Variants in CSMD1 observed in about 807,000 individuals in gnomAD.
CSMD1 encodes CUB and sushi domain-containing protein 1.
In CSMD1, 213 loss-of-function variants were observed where a neutral mutation model predicts 417.5. The ratio of observed to expected loss-of-function variants is 0.51; its 90% CI spans 0.46 to 0.57. The LOEUF (loss-of-function observed/expected upper bound fraction) is 0.57. Among genes scored for constraint, CSMD1 ranks in the 20% least tolerant of loss-of-function variants. The pLI, the probability that CSMD1 is intolerant of heterozygous loss-of-function variation, is 0.00. For synonymous variants in CSMD1, 2,862 were observed against 1,736.8 expected (o/e 1.65, Z -16.11); for missense variants, 6,923 against 4,529.7 (o/e 1.53, Z -15.17).
At chr8:4,608,690 T>C (rs1801009328) in intron 2 of CSMD1, among the ~76,000 whole-genome samples, 1 of 152,204 alleles carries the variant, frequency 6.6e-6, no homozygotes, top group African/African-American at 2.4e-5. Flanking sequence ...TTTGTGGGAT[T>C]ATGAAAATTA....
At chr8:4,105,983 A>T (rs1801548106) in intron 3 of CSMD1, among the ~76,000 whole-genome samples, 1 of 152,154 alleles carries the variant, frequency 6.6e-6, no homozygotes, top group Non-Finnish European at 1.5e-5. Flanking sequence ...ACCACAGGAA[A>T]ATGTAGAGCA....
At chr8:4,045,092 G>A (rs767646835) in intron 3 of CSMD1, among the ~76,000 whole-genome samples, 1 of 152,116 alleles carries the variant, frequency 6.6e-6, no homozygotes, top group African/African-American at 2.4e-5. Context: ...GCCACAGACG[G>A]GGCACAGGGA....
At chr8:4,056,124 C>A (rs1380874370) in intron 3 of CSMD1, among the ~76,000 whole-genome samples, 5 of 143,736 alleles carry the variant, frequency 3.5e-5, no homozygotes, top group Non-Finnish European at 6.0e-5. Flanking sequence ...CTTTGTCACC[C>A]AAGCTGCAAT....
At chr8:4,192,390 G>C (rs985976733) in intron 3 of CSMD1, among the ~76,000 whole-genome samples, 8 of 152,136 alleles carry the variant, frequency 5.3e-5, no homozygotes, top group African/African-American at 1.9e-4. Flanking sequence ...GCTCTCTTTG[G>C]CTAAGTTGTG....
At chr8:4,281,360 A>G (rs1044104452) in intron 3 of CSMD1, among the ~76,000 whole-genome samples, 2 of 152,200 alleles carry the variant, frequency 1.3e-5, no homozygotes, top group Non-Finnish European at 2.9e-5. Context: ...ATGACGGCAT[A>G]AGGTCTTTGC....
rs77669439 is a variant in CSMD1 at position 3,052,319 on chromosome 8, T to G, written c.7660+143A>C. On this transcript the variant is annotated intron_variant, in intron 50 of 69. Coordinates refer to ENST00000635120, the MANE Select transcript of CSMD1 (RefSeq NM_033225.6). Reference sequence around the variant, plus strand: ...AAATATTTTATATGAAATACATTGGTTTTAATATTGCTATGATGAAAGACA... The same window carrying G: ...AAATATTTTATATGAAATACATTGGGTTTAATATTGCTATGATGAAAGACA... 2.9e-3 allele frequency: 1,741 copies of G among 603,704 alleles called. 18 individuals are homozygous for G. The African/African-American group carries it at 0.03, about 10-fold the overall frequency. 37.4% of individuals were successfully genotyped at this position (603,704 alleles called of 1,614,324 possible). A position where few individuals can be genotyped will look rare whatever the true frequency, so the allele number is the denominator to read the frequency against.
chr8:3,525,692 A>T (rs1175698372), intron 10 of CSMD1, among the ~76,000 whole-genome samples: 1 of 152,170 alleles, frequency 6.6e-6, no homozygotes, highest in Admixed American at 6.5e-5. Context: ...CTATGTACCC[A>T]GCTTCCTATG....
intron 1 of CSMD1, among the ~76,000 whole-genome samples, chr8:4,683,264 T>C (rs1359811033): frequency 6.6e-6 from 1 of 152,050 alleles, no homozygotes; most frequent in Non-Finnish European, 1.5e-5. Context: ...AAAGATATGT[T>C]AAAAGTAATT....
At chr8:4,023,568 C>G (rs1053515482) in intron 4 of CSMD1, among the ~76,000 whole-genome samples, 2 of 148,494 alleles carry the variant, frequency 1.3e-5, no homozygotes, top group African/African-American at 5.0e-5. Context: ...AATATGAATG[C>G]TTACTGCTTT....
At chr8:3,536,847 T>C (rs931120830) in intron 10 of CSMD1, among the ~76,000 whole-genome samples, 6 of 152,186 alleles carry the variant, frequency 3.9e-5, no homozygotes, top group African/African-American at 1.2e-4. Flanking sequence ...CCACGGTCCG[T>C]GTTCTGTGGC....
intron 3 of CSMD1, among the ~76,000 whole-genome samples, chr8:4,090,806 T>C (rs1266252082): frequency 6.6e-6 from 1 of 152,198 alleles, no homozygotes; most frequent in Admixed American, 6.5e-5. Context: ...TTAAAGAACA[T>C]ATATTCTTTA....
chr8:4,624,560 T>C (rs1801986508), intron 2 of CSMD1, among the ~76,000 whole-genome samples: 2 of 152,152 alleles, frequency 1.3e-5, no homozygotes, highest in Admixed American at 1.3e-4. Flanking sequence ...GGATTTCACA[T>C]ATTGAAGATT....
chr8:3,747,470 T>G (rs1278191047), intron 6 of CSMD1, among the ~76,000 whole-genome samples: 1 of 151,298 alleles, frequency 6.6e-6, no homozygotes, highest in African/African-American at 2.4e-5. Flanking sequence ...CAAATTCCTG[T>G]TTTTCATATA....
intron 1 of CSMD1, among the ~76,000 whole-genome samples, chr8:4,806,324 T>C (rs1435015992): frequency 1.3e-5 from 2 of 152,158 alleles, no homozygotes; most frequent in African/African-American, 4.8e-5. Context: ...CCACCCTAGA[T>C]GGGAGGCTGG....
chr8:3,782,110 G>C (rs1464334257), intron 5 of CSMD1, among the ~76,000 whole-genome samples: 1 of 152,136 alleles, frequency 6.6e-6, no homozygotes, highest in Non-Finnish European at 1.5e-5. Context: ...GAGCCATGAA[G>C]AATGTAGGGG....
Position 4,126,199 on chromosome 8 carries a change from T to C in CSMD1, c.416-94100A>G, listed in dbSNP as rs186608353. 1.6e-3 allele frequency among the ~76,000 whole-genome samples: 244 copies of C among 152,190 alleles called. 1 individual carries two copies. The highest frequency in any genetic ancestry group is 2.6e-3 in the Non-Finnish European group (175 of 68,018). On this transcript the variant is annotated intron_variant, in intron 3 of 69. Transcript: ENST00000635120. ...ACCAAATTACCATTAAAAACCCTGA[T>C]CCCCAAATGCTCTGGGAGACTGATT...
chr8:4,795,310 C>T (rs1289071128), intron 1 of CSMD1, among the ~76,000 whole-genome samples: 4 of 104,528 alleles, frequency 3.8e-5, no homozygotes, highest in African/African-American at 7.4e-5. Flanking sequence ...CCTGCTCTGT[C>T]GCCTAGGCTG....
At chr8:4,073,838 G>C (rs1199008499) in intron 3 of CSMD1, among the ~76,000 whole-genome samples, 1 of 152,052 alleles carries the variant, frequency 6.6e-6, no homozygotes, top group Non-Finnish European at 1.5e-5. Context: ...TTTGTTAATA[G>C]TTGGGTTTAA....
intron 5 of CSMD1, among the ~76,000 whole-genome samples, chr8:3,884,574 C>T (rs958532662): frequency 6.6e-6 from 1 of 152,140 alleles, no homozygotes; most frequent in Non-Finnish European, 1.5e-5. Flanking sequence ...GAATTGCACA[C>T]ATACACATGG....
Sources: allele counts gnomAD v4.1 joint callset (sites outside exome capture counted in the v4.1 genomes callset), GRCh38; gene constraint gnomAD v4.1.1; transcripts MANE v1.5; gene names NCBI Gene and HGNC (gene_info 2026-07-23, HGNC 2026-07-21).